Variants in TMEM64 observed in about 807,000 individuals in gnomAD.
The protein encoded by TMEM64 is transmembrane protein 64.
A neutral mutation model predicts 24.5 loss-of-function variants in TMEM64; 19 were observed. The ratio of observed to expected loss-of-function variants is 0.78; its 90% CI spans 0.54 to 1.14. The LOEUF is 1.14. Ranked by LOEUF, TMEM64 falls within the 50% of genes most tolerant of loss-of-function variation. The probability of loss-of-function intolerance (pLI) is 0.00; values close to 1 mark genes in which losing one functional copy is unlikely to be tolerated. For synonymous variants in TMEM64, 262 were observed against 224.7 expected, an observed-to-expected ratio of 1.17 and a Z score of -1.49; for missense variants, 487 against 493.0, an observed-to-expected ratio of 0.99 and a Z score of 0.12.
intron 1 of TMEM64, among the ~76,000 whole-genome samples, chr8:90,638,174 T>A (rs1050387591): frequency 2.0e-5 from 3 of 152,028 alleles, no homozygotes; most frequent in Non-Finnish European, 4.4e-5. Context: ...TCCCTCCTAC[T>A]GCCATGAGGT....
chr8:90,644,554 T>TA (rs1809657972), intron 1 of TMEM64, among the ~76,000 whole-genome samples: 1 of 152,186 alleles, frequency 6.6e-6, no homozygotes, highest in African/African-American at 2.4e-5. Flanking sequence ...GAAAGAAAGA[T>TA]AAACAGTAGG....
intron 1 of TMEM64, among the ~76,000 whole-genome samples, chr8:90,642,932 TC>T (rs967759425): frequency 2.0e-5 from 3 of 152,196 alleles, no homozygotes; most frequent in African/African-American, 7.2e-5. Flanking sequence ...TTCTTTTTTT[TC>T]CCTTCTTTTT....
At chr8:90,641,532 T>TA (rs1809604274) in intron 1 of TMEM64, among the ~76,000 whole-genome samples, 1 of 152,182 alleles carries the variant, frequency 6.6e-6, no homozygotes, top group Non-Finnish European at 1.5e-5. Context: ...TAAGGTGCTC[T>TA]AAGACAAGTA....
At position 90,623,527 on chromosome 8, in the gene TMEM64, A is replaced by T. The variant is rs1389048078; in HGVS notation, c.*2144T>A. On this transcript the variant is annotated 3_prime_UTR_variant, in exon 3 of 3. Transcript: ENST00000458549. ...AGCCACAGATTGGTATTTTAGAAACAGTCAATCCATACTATTTTAAGAAAA... is the reference window on the plus strand; with the variant it reads ...AGCCACAGATTGGTATTTTAGAAACTGTCAATCCATACTATTTTAAGAAAA... 1 of 152,542 alleles carries T rather than the reference A, an allele frequency of 6.6e-6. No individual in the cohort carries two copies. The highest frequency in any genetic ancestry group is 1.5e-5 in the Non-Finnish European group (1 of 67,968). 9.4% of individuals were successfully genotyped at this position (152,542 alleles called of 1,614,324 possible).
At chr8:90,644,279 G>C (rs1368143249) in intron 1 of TMEM64, among the ~76,000 whole-genome samples, 2 of 152,156 alleles carry the variant, frequency 1.3e-5, no homozygotes, top group African/African-American at 4.8e-5. Context: ...TCAGTAACTT[G>C]ATCCAAAGTC....
chr8:90,636,814 T>C (rs1809525333), intron 1 of TMEM64, among the ~76,000 whole-genome samples: 1 of 152,140 alleles, frequency 6.6e-6, no homozygotes, highest in Non-Finnish European at 1.5e-5. Flanking sequence ...GGAGTTGTAT[T>C]CCAAATCAAA....
At chr8:90,636,384 T>C (rs1809518345) in intron 1 of TMEM64, among the ~76,000 whole-genome samples, 1 of 152,080 alleles carries the variant, frequency 6.6e-6, no homozygotes, top group South Asian at 2.1e-4. Flanking sequence ...GCCTCCTGAG[T>C]AGCTGGGATT....
At chr8:90,642,780 A>G (rs1809623416) in intron 1 of TMEM64, among the ~76,000 whole-genome samples, 2 of 152,200 alleles carry the variant, frequency 1.3e-5, no homozygotes, top group South Asian at 4.1e-4. Context: ...TTACAGTAAG[A>G]TGCACCATAT....
At chr8:90,627,471 C>T (rs549239082) in intron 2 of TMEM64, among the ~76,000 whole-genome samples, 10 of 16,826 alleles carry the variant, frequency 5.9e-4, no homozygotes, top group South Asian at 2.0e-3. Flanking sequence ...AATATGGGGG[C>T]GGGGGCGGGT....
At chr8:90,644,934 T>A (rs930861671) in intron 1 of TMEM64, among the ~76,000 whole-genome samples, 177 bp downstream of exon 1, 8 of 152,180 alleles carry the variant, frequency 5.3e-5, no homozygotes, top group African/African-American at 1.9e-4. Context: ...GGCTCCGCGT[T>A]AGGTATGTTT....
rs1809308885 is a variant in TMEM64, at chr8:90,623,304, T to C, written c.*2367A>G. On this transcript the variant is annotated 3_prime_UTR_variant, in exon 3 of 3. Transcript: ENST00000458549. ...GCAATATTTGGACAACATAAAAGTA[T>C]CCTGTAGATATGTGTTGCTGCCATA... 6.6e-6 allele frequency: 1 copy of C among 152,160 alleles called. No homozygotes were observed. The highest frequency in any genetic ancestry group is 2.4e-5 in the African/African-American group (1 of 41,450). The allele number at this position is 152,160 out of a possible 1,614,324, so 9.4% of individuals were successfully genotyped here. A position where few individuals can be genotyped will look rare whatever the true frequency, so the allele number is the denominator to read the frequency against.
intron 1 of TMEM64, among the ~76,000 whole-genome samples, chr8:90,640,693 A>G (rs900288539): frequency 3.3e-5 from 5 of 152,352 alleles, no homozygotes; most frequent in Non-Finnish European, 5.9e-5. Flanking sequence ...TAAATTAGTA[A>G]AAGTAATTTA....
intron 1 of TMEM64, among the ~76,000 whole-genome samples, chr8:90,638,249 G>A (rs754281192): frequency 2.0e-5 from 3 of 152,098 alleles, no homozygotes; most frequent in Non-Finnish European, 2.9e-5. Flanking sequence ...GTCACACTAT[G>A]TCCCAGTCAC....
chr8:90,629,094 GCT>G (rs1809402025), intron 2 of TMEM64, among the ~76,000 whole-genome samples: 1 of 149,424 alleles, frequency 6.7e-6, no homozygotes. Context: ...TTTAACCTAA[GCT>G]CTCTTTTTTT....
At chr8:90,640,224 A>G (rs1424375192) in intron 1 of TMEM64, among the ~76,000 whole-genome samples, 1 of 152,228 alleles carries the variant, frequency 6.6e-6, no homozygotes, top group Admixed American at 6.5e-5. Flanking sequence ...ACACTTTAAT[A>G]GTAAGAAGAA....
At chr8:90,641,338 A>T (rs578017841) in intron 1 of TMEM64, among the ~76,000 whole-genome samples, 1 of 151,800 alleles carries the variant, frequency 6.6e-6, no homozygotes, top group South Asian at 2.1e-4. Flanking sequence ...ATTTCATATA[A>T]TTCTCATGTA....
intron 1 of TMEM64, among the ~76,000 whole-genome samples, chr8:90,636,116 TTAA>T (rs1339390677): frequency 1.7e-4 from 26 of 152,216 alleles, no homozygotes; most frequent in Admixed American, 1.2e-3. Flanking sequence ...ATAATTTTAG[TTAA>T]TAATCGTAAA....
At chr8:90,633,994 A>C (rs1203489359) in intron 1 of TMEM64, among the ~76,000 whole-genome samples, 6 of 152,238 alleles carry the variant, frequency 3.9e-5, no homozygotes, top group African/African-American at 1.4e-4. Context: ...ATTTTTATAT[A>C]ATCAAATATT....
chr8:90,636,832 T>C (rs1809525585), intron 1 of TMEM64, among the ~76,000 whole-genome samples: 1 of 152,202 alleles, frequency 6.6e-6, no homozygotes, highest in Admixed American at 6.5e-5. Context: ...AAAGAACCCC[T>C]ACACTTCTCA....
Sources: gnomAD v4.1 joint callset for allele counts (sites outside exome capture counted in the v4.1 genomes callset) on GRCh38, gnomAD v4.1.1 for gene constraint, MANE v1.5 for transcripts, NCBI Gene and HGNC (gene_info 2026-07-23, HGNC 2026-07-21) for gene names.